HMCN1: variants seen among roughly 807,000 people sequenced by gnomAD.
HMCN1 encodes hemicentin 1, also known as hemicentin-1.
Under a neutral mutation model 625.9 loss-of-function variants are expected in HMCN1, and 321 were observed. That is an observed-to-expected ratio of 0.51 (90% CI 0.47 to 0.56). The LOEUF is 0.56. Among genes scored for constraint, HMCN1 ranks in the 20% least tolerant of loss-of-function variants. HMCN1 has a pLI of 0.00. For synonymous variants in HMCN1, 2,425 were observed against 2,417.6 expected (o/e 1.00, Z -0.09); for missense variants, 6,588 against 6,887.3 (o/e 0.96, Z 1.54).
chr1:185,935,713 TG>T (rs1161947467), intron 11 of HMCN1, among the ~76,000 whole-genome samples: 2 of 152,138 alleles, frequency 1.3e-5, no homozygotes, highest in African/African-American at 4.8e-5. Flanking sequence ...CCAATTTTGA[TG>T]ATAAGGGATA....
chr1:185,984,420 T>C (rs1281528281), intron 19 of HMCN1, 107 bp downstream of exon 19: 2 of 1,060,094 alleles, frequency 1.9e-6, no homozygotes, highest in Non-Finnish European at 2.9e-6. Flanking sequence ...GATATCTCTC[T>C]TAATTGTTAT....
intron 1 of HMCN1, among the ~76,000 whole-genome samples, chr1:185,787,864 G>A (rs1344109385): frequency 1.3e-5 from 2 of 151,992 alleles, no homozygotes; most frequent in South Asian, 2.1e-4. Context: ...AGCTCAGAGA[G>A]GTCAGATAAC....
At chr1:185,757,904 T>A (rs1655235891) in intron 1 of HMCN1, among the ~76,000 whole-genome samples, 1 of 152,206 alleles carries the variant, frequency 6.6e-6, no homozygotes, top group Non-Finnish European at 1.5e-5. Flanking sequence ...ATTTTGGTTA[T>A]TCATAGATAC....
intron 68 of HMCN1, among the ~76,000 whole-genome samples, chr1:186,097,118 T>C (rs1020422920): frequency 1.3e-5 from 2 of 152,106 alleles, no homozygotes; most frequent in African/African-American, 2.4e-5. Flanking sequence ...CAGCATAATC[T>C]AATATATAGA....
At chr1:185,982,208 CCTTT>C in intron 17 of HMCN1, 50 bp from the exon 18 acceptor site, 1 of 1,598,852 alleles carries the variant, frequency 6.3e-7, no homozygotes, top group South Asian at 1.1e-5. Flanking sequence ...AAGTGGCTTA[CCTTT>C]CTTTTGGGTG....
rs1416582799 is a variant in HMCN1, at chr1:186,088,010, T to C, written c.9442T>C (p.Tyr3148His). The C allele has an allele frequency of 6.2e-7, 1 of 1,612,814 alleles. No homozygotes were observed. Among genetic ancestry groups the C allele is most frequent in the East Asian group, 2.2e-5 (1 of 44,848 alleles). ...RDDKNFHLNVYVPPSIEGPER... is the reference protein window; with the variant it reads ...RDDKNFHLNVHVPPSIEGPER... ...TGATAAAAATTTCCACCTCAATGTATATGGTGAGCATTTGCCTCTAATACA... is the reference window on the plus strand; with the variant it reads ...TGATAAAAATTTCCACCTCAATGTACATGGTGAGCATTTGCCTCTAATACA... The change falls in exon 61 of 107, where the codon TAT becomes CAT. Residue 3148 changes from tyrosine (Y) to histidine (H), a missense_variant. Transcript: ENST00000271588.
intron 89 of HMCN1, among the ~76,000 whole-genome samples, 166 bp from the exon 90 acceptor site, chr1:186,144,007 A>C (rs1370163113): frequency 7.9e-5 from 12 of 152,214 alleles, no homozygotes; most frequent in Admixed American, 7.9e-4. Flanking sequence ...CTGAAAATCT[A>C]ACCAGAAGGA....
Position 186,090,876 on chromosome 1 carries a change from A to G in HMCN1, c.9846A>G (p.Lys3282=), listed in dbSNP as rs1479983030. Residue 3282 remains lysine, a synonymous_variant, in exon 64 of 107, where the codon AAA becomes AAG. Transcript: ENST00000271588. ...CTACTCCACTTATTCAATGGCTTAA[A>G]GATGGAAAGCCCATAGCTAGTGGTG... ...GIPTPLIQWL[K]DGKPIASGET... The G allele has an allele frequency of 1.9e-6, 3 of 1,612,342 alleles. No homozygotes were observed. The highest frequency in any genetic ancestry group is 1.7e-6 in the Non-Finnish European group (2 of 1,178,882).
At chr1:185,760,697 T>G (rs1390750075) in intron 1 of HMCN1, among the ~76,000 whole-genome samples, 1 of 152,082 alleles carries the variant, frequency 6.6e-6, no homozygotes, top group Non-Finnish European at 1.5e-5. Flanking sequence ...ATATGACACA[T>G]CATATTATAG....
At chr1:185,899,888 A>G (rs1665702664) in intron 4 of HMCN1, among the ~76,000 whole-genome samples, 1 of 152,078 alleles carries the variant, frequency 6.6e-6, no homozygotes, top group Non-Finnish European at 1.5e-5. Context: ...ACTTAATATG[A>G]AACCCCTTTA....
intron 45 of HMCN1, among the ~76,000 whole-genome samples, chr1:186,056,992 A>G (rs1355751959): frequency 6.6e-6 from 1 of 151,246 alleles, no homozygotes; most frequent in Non-Finnish European, 1.5e-5. Flanking sequence ...ATTTACTGCT[A>G]AGATTGAGGA....
intron 1 of HMCN1, among the ~76,000 whole-genome samples, chr1:185,835,838 GA>G (rs1203061147): frequency 6.6e-6 from 1 of 151,888 alleles, no homozygotes. Context: ...ATAATATACA[GA>G]AAAAAAGAAC....
chr1:186,127,539 T>C (rs774440041), intron 82 of HMCN1, among the ~76,000 whole-genome samples: 1 of 152,048 alleles, frequency 6.6e-6, no homozygotes, highest in Non-Finnish European at 1.5e-5. Flanking sequence ...CTGGAAACCA[T>C]GTAAAGGTGG....
chr1:185,875,273 A>G (rs1391845686), intron 4 of HMCN1, among the ~76,000 whole-genome samples: 2 of 152,076 alleles, frequency 1.3e-5, no homozygotes, highest in Non-Finnish European at 2.9e-5. Context: ...AAAGGAAAAT[A>G]GTGAAGCCAT....
rs74133293 is a variant in HMCN1 at position 185,752,089 on chromosome 1, T to C, written c.268+17042T>C. 8.9e-3 allele frequency among the ~76,000 whole-genome samples: 1,355 copies of C among 152,290 alleles called. 20 individuals carry two copies. Among genetic ancestry groups the C allele is most frequent in the African/African-American group, 0.029 (1,222 of 41,566 alleles). Reference sequence around the variant, plus strand: ...CAGAGGGGTTTGCATTTGCTTTTTTTGGGATTCCAAAATTAGCTTGTGGAC... The same window carrying C: ...CAGAGGGGTTTGCATTTGCTTTTTTCGGGATTCCAAAATTAGCTTGTGGAC... On this transcript the variant is annotated intron_variant, in intron 1 of 106. Transcript: ENST00000271588.
At chr1:185,908,712 C>T (rs1164089686) in intron 4 of HMCN1, among the ~76,000 whole-genome samples, 1 of 151,524 alleles carries the variant, frequency 6.6e-6, no homozygotes, top group East Asian at 1.9e-4. Context: ...TTTTTCTATT[C>T]TCTTTAATGC....
chr1:186,174,490 T>C, intron 102 of HMCN1, 24 bp from the exon 103 acceptor site: 1 of 1,613,024 alleles, frequency 6.2e-7, no homozygotes, highest in Non-Finnish European at 8.5e-7. Flanking sequence ...GAAATGTTAC[T>C]TCTCATTGCC....
chr1:185,838,015 C>T (rs556652953), intron 1 of HMCN1, among the ~76,000 whole-genome samples: 1 of 152,286 alleles, frequency 6.6e-6, no homozygotes, highest in Non-Finnish European at 1.5e-5. Context: ...AAGAGAAGAT[C>T]CTCCAGGCAT....
chr1:185,903,674 A>T (rs1278440885), intron 4 of HMCN1, among the ~76,000 whole-genome samples: 1 of 151,718 alleles, frequency 6.6e-6, no homozygotes, highest in African/African-American at 2.4e-5. Context: ...TCAAGTGGTG[A>T]TATTTCTTGG....
Sources: gnomAD v4.1 joint callset for allele counts (sites outside exome capture counted in the v4.1 genomes callset) on GRCh38, gnomAD v4.1.1 for gene constraint, MANE v1.5 for transcripts, NCBI Gene and HGNC (gene_info 2026-07-23, HGNC 2026-07-21) for gene names.